Variants in RREB1 observed in about 807,000 individuals in gnomAD.
RREB1 encodes ras-responsive element-binding protein 1.
RREB1 carries 27 observed loss-of-function variants against 117.8 expected under a neutral mutation model. The observed-to-expected ratio is 0.23, with a 90% CI of 0.17 to 0.32. The LOEUF is 0.32. Among genes scored for constraint, RREB1 ranks in the 10% least tolerant of loss-of-function variants. The pLI, the probability that RREB1 is intolerant of heterozygous loss-of-function variation, is 1.00. For synonymous variants in RREB1, 1,298 were observed against 1,026.7 expected (o/e 1.26, Z -5.05); for missense variants, 2,577 against 2,378.2 (o/e 1.08, Z -1.74).
intron 6 of RREB1, among the ~76,000 whole-genome samples, chr6:7,190,110 G>A (rs1287099797): frequency 6.6e-6 from 1 of 152,244 alleles, no homozygotes; most frequent in East Asian, 1.9e-4. Context: ...ACTAAAATGA[G>A]TTGGACCAGT....
rs540033646 is a variant in RREB1, at chr6:7,230,127, C to T, written c.2028C>T (p.Cys676=). ...TCTCGCCATACCAGTGCAACATCTG[C>T]GACTACATCGCCGCCGACAAGGCCG... ...LGISPYQCNI[C]DYIAADKAAL... is the part of the protein sequence containing the mutation. Residue 676 remains cysteine, a synonymous_variant, in exon 10 of 13, where the codon TGC becomes TGT. Coordinates refer to ENST00000379938, the MANE Select transcript of RREB1 (RefSeq NM_001003699.4). 13 of 1,604,314 alleles carry T rather than the reference C, an allele frequency of 8.1e-6. No homozygotes were observed. In the Admixed American group the frequency reaches 1.2e-4, roughly 14 times the overall value.
At chr6:7,144,473 T>C (rs1762770189) in intron 1 of RREB1, among the ~76,000 whole-genome samples, 1 of 152,244 alleles carries the variant, frequency 6.6e-6, no homozygotes, top group Non-Finnish European at 1.5e-5. Flanking sequence ...TCTTCTGCTC[T>C]TGAAACATGG....
At chr6:7,147,691 A>G (rs571469097) in intron 1 of RREB1, among the ~76,000 whole-genome samples, 1 of 152,350 alleles carries the variant, frequency 6.6e-6, no homozygotes, top group East Asian at 1.9e-4. Context: ...GTAGGAGAAC[A>G]AAGTGACAGT....
intron 9 of RREB1, among the ~76,000 whole-genome samples, chr6:7,227,944 A>G (rs1445305119): frequency 1.3e-5 from 2 of 151,974 alleles, no homozygotes; most frequent in Non-Finnish European, 2.9e-5. Context: ...GCACATGCCT[A>G]TAATCCCAGC....
chr6:7,108,477 C>G (rs1760945610), intron 1 of RREB1, among the ~76,000 whole-genome samples: 1 of 152,134 alleles, frequency 6.6e-6, no homozygotes, highest in East Asian at 1.9e-4. Context: ...CCGGCCCGAC[C>G]CGCGCCGCCG....
intron 6 of RREB1, among the ~76,000 whole-genome samples, chr6:7,202,091 C>T (rs1561778182): frequency 6.6e-6 from 1 of 152,132 alleles, no homozygotes; most frequent in Non-Finnish European, 1.5e-5. Context: ...CCTTTCCTTG[C>T]CAGCAGTTTC....
chr6:7,199,976 G>C (rs1239902277), intron 6 of RREB1, among the ~76,000 whole-genome samples: 1 of 152,160 alleles, frequency 6.6e-6, no homozygotes, highest in African/African-American at 2.4e-5. Context: ...AGGCAAGTGT[G>C]ATCTGTCACT....
intron 10 of RREB1, among the ~76,000 whole-genome samples, chr6:7,236,982 G>C (rs1768375285): frequency 7.2e-6 from 1 of 138,644 alleles, no homozygotes; most frequent in South Asian, 2.5e-4. Context: ...ACAGTGGCAT[G>C]ATCACAGCTC....
At chr6:7,245,125 G>A (rs1768926987) in intron 11 of RREB1, among the ~76,000 whole-genome samples, 1 of 152,366 alleles carries the variant, frequency 6.6e-6, no homozygotes, top group Middle Eastern at 3.4e-3. Context: ...GCCGGGCACG[G>A]TGGCTCACGC....
At chr6:7,108,703 G>A (rs1241084023) in intron 1 of RREB1, 1 of 152,464 alleles carries the variant, frequency 6.6e-6, no homozygotes, top group African/African-American at 2.4e-5. Flanking sequence ...CCGCCCTAAG[G>A]TATCCGGGGG....
At chr6:7,144,920 G>A (rs139991408) in intron 1 of RREB1, among the ~76,000 whole-genome samples, 70 of 152,306 alleles carry the variant, frequency 4.6e-4, no homozygotes, top group Admixed American at 1.4e-3. Context: ...TTGTCCTTCA[G>A]CGAGGTTATG....
intron 1 of RREB1, among the ~76,000 whole-genome samples, chr6:7,156,823 A>ATGC (rs1258114346): frequency 1.3e-5 from 2 of 152,198 alleles, no homozygotes; most frequent in Non-Finnish European, 2.9e-5. Flanking sequence ...AGGAAACAGG[A>ATGC]TGCTGTGTAC....
intron 1 of RREB1, among the ~76,000 whole-genome samples, chr6:7,159,270 C>G (rs1309057058): frequency 6.6e-6 from 1 of 152,178 alleles, no homozygotes; most frequent in African/African-American, 2.4e-5. Flanking sequence ...CATGTTTACA[C>G]CCACAGGAGG....
rs758618867 is a variant in RREB1 at position 7,230,428 on chromosome 6, G to T, written c.2329G>T (p.Gly777Cys). 7 of 1,590,866 alleles carry T rather than the reference G, an allele frequency of 4.4e-6. No individual in the cohort carries two copies. The African/African-American group carries it at 8.0e-5, about 18-fold the overall frequency. The change falls in exon 10 of 13, where the codon GGC (glycine) becomes TGC (cysteine). Residue 777 changes from glycine to cysteine, a missense_variant. Coordinates refer to ENST00000379938, the MANE Select transcript of RREB1 (RefSeq NM_001003699.4). ...ALRIHMRTHC[G>C]RGLGGGHKGR... ...GCGCATCCACATGCGCACGCACTGC[G>T]GCCGCGGCCTGGGCGGGGGCCACAA...
intron 1 of RREB1, among the ~76,000 whole-genome samples, chr6:7,130,881 T>A (rs1285878): frequency 6.6e-6 from 1 of 150,740 alleles, no homozygotes; most frequent in Admixed American, 6.6e-5. Context: ...TCCCAAAGTG[T>A]TGGGATTACA....
At chr6:7,211,481 A>G (rs1466911180) in intron 7 of RREB1, 92 bp from the exon 8 acceptor site, 3 of 1,174,086 alleles carry the variant, frequency 2.6e-6, no homozygotes, top group Non-Finnish European at 3.8e-6. Flanking sequence ...GCCTTTTATT[A>G]TTGTAAATCT....
intron 1 of RREB1, among the ~76,000 whole-genome samples, chr6:7,135,133 A>G (rs1762297347): frequency 1.3e-5 from 2 of 152,192 alleles, no homozygotes; most frequent in Admixed American, 1.3e-4. Flanking sequence ...TCCTGAATGC[A>G]AGCCCAACCT....
chr6:7,178,950 C>T (rs1241071633), intron 2 of RREB1, among the ~76,000 whole-genome samples: 7 of 152,142 alleles, frequency 4.6e-5, no homozygotes, highest in Non-Finnish European at 1.0e-4. Context: ...ATTTTCAGCC[C>T]TTACATTGGT....
intron 4 of RREB1, among the ~76,000 whole-genome samples, chr6:7,186,398 C>A (rs1478806102): frequency 6.6e-6 from 1 of 152,188 alleles, no homozygotes; most frequent in Admixed American, 6.5e-5. Flanking sequence ...CAACCCCAGT[C>A]CCCCAGTGAC....
Sources: allele counts gnomAD v4.1 joint callset (sites outside exome capture counted in the v4.1 genomes callset), GRCh38; gene constraint gnomAD v4.1.1; transcripts MANE v1.5; gene names NCBI Gene and HGNC (gene_info 2026-07-23, HGNC 2026-07-21).